Variants in CCSER2 observed in about 807,000 individuals in gnomAD.
The protein encoded by CCSER2 is serine-rich coiled-coil domain-containing protein 2.
A neutral mutation model predicts 92.3 loss-of-function variants in CCSER2; 46 were observed. That is an observed-to-expected ratio of 0.50 (90% CI 0.39 to 0.64). The LOEUF is 0.64. Ranked by LOEUF, CCSER2 falls within the 30% of genes least tolerant of loss-of-function variation. The pLI is 0.00. For synonymous variants in CCSER2, 433 were observed against 431.4 expected (o/e 1.00, Z -0.04); for missense variants, 1,244 against 1,238.9 (o/e 1.00, Z -0.06).
At position 84,371,794 on chromosome 10, in the gene CCSER2, G is replaced by C; in HGVS notation, c.742G>C (p.Val248Leu). The C allele has an allele frequency of 1.9e-6, 3 of 1,613,794 alleles. No individual in the cohort carries two copies. Among genetic ancestry groups the C allele is most frequent in the Non-Finnish European group, 2.5e-6 (3 of 1,179,798 alleles). ...ITRSHSFNRAVDLTKPYQNQQ... is the reference protein window; with the variant it reads ...ITRSHSFNRALDLTKPYQNQQ... ...CAGATCACATTCCTTTAATAGAGCT[G>C]TGGATCTTACAAAGCCTTATCAGAA... The change falls in exon 2 of 10, where the codon GTG becomes CTG. Residue 248 changes from valine to leucine, a missense_variant. By Grantham distance (32) the Val-to-Leu change is conservative. Transcript: ENST00000372088.
chr10:84,391,307 CTT>C (rs2133259774), intron 3 of CCSER2: 1 of 1,455,430 alleles, frequency 6.9e-7, no homozygotes, highest in African/African-American at 1.4e-5. Context: ...GTTAGTGTCT[CTT>C]GATTTACTGA....
At chr10:84,466,879 A>G (rs886454212) in intron 7 of CCSER2, among the ~76,000 whole-genome samples, 1 of 152,092 alleles carries the variant, frequency 6.6e-6, no homozygotes, top group Non-Finnish European at 1.5e-5. Flanking sequence ...TTACAGGGGA[A>G]AAGTGTCCAC....
At chr10:84,496,267 C>T (rs1366837415) in intron 9 of CCSER2, among the ~76,000 whole-genome samples, 1 of 152,078 alleles carries the variant, frequency 6.6e-6, no homozygotes, top group African/African-American at 2.4e-5. Flanking sequence ...GGGTGGAGGC[C>T]TACACTCCCC....
intron 1 of CCSER2, among the ~76,000 whole-genome samples, chr10:84,348,427 C>G (rs966998687): frequency 5.3e-5 from 8 of 152,026 alleles, no homozygotes; most frequent in East Asian, 3.9e-4. Flanking sequence ...GGCTCGGCAT[C>G]AGAGGGAGAC....
chr10:84,468,707 T>G (rs1846601296), intron 7 of CCSER2, among the ~76,000 whole-genome samples: 1 of 151,610 alleles, frequency 6.6e-6, no homozygotes, highest in Non-Finnish European at 1.5e-5. Flanking sequence ...CGTTGTCCTC[T>G]TACAGGACAA....
chr10:84,377,726 T>G (rs1452970787), intron 3 of CCSER2, among the ~76,000 whole-genome samples: 1 of 152,166 alleles, frequency 6.6e-6, no homozygotes, highest in Non-Finnish European at 1.5e-5. Context: ...TTGGAGAGAA[T>G]TGACATATTT....
chr10:84,478,047 T>C (rs1477600080), intron 9 of CCSER2, among the ~76,000 whole-genome samples: 1 of 152,210 alleles, frequency 6.6e-6, no homozygotes, highest in African/African-American at 2.4e-5. Flanking sequence ...AGCATATTCC[T>C]TTTTTGTTAA....
intron 9 of CCSER2, among the ~76,000 whole-genome samples, chr10:84,478,263 A>G (rs917011456): frequency 2.0e-4 from 31 of 152,298 alleles, no homozygotes; most frequent in African/African-American, 7.0e-4. Flanking sequence ...AAAATACTCT[A>G]TCATTTAATC....
chr10:84,455,988 T>G (rs1341680261), intron 6 of CCSER2: 4 of 581,346 alleles, frequency 6.9e-6, no homozygotes, highest in African/African-American at 1.9e-5. Context: ...ACGTACTCCT[T>G]TCCTAGTAGC....
At chr10:84,416,439 A>G (rs560180739) in intron 3 of CCSER2, among the ~76,000 whole-genome samples, 2 of 152,294 alleles carry the variant, frequency 1.3e-5, no homozygotes, top group Admixed American at 6.5e-5. Context: ...TTGCATGTCA[A>G]ACATTCTGCA....
Position 84,516,554 on chromosome 10 carries a change from GT to G in CCSER2, c.*2290del, listed in dbSNP as rs1849603830. 1 of 152,144 alleles carries G rather than the reference GT, an allele frequency of 6.6e-6. No homozygotes were observed. The highest frequency in any genetic ancestry group is 2.1e-4 in the South Asian group (1 of 4,830). 9.4% of individuals were successfully genotyped at this position (152,144 alleles called of 1,614,324 possible). On this transcript the variant is annotated 3_prime_UTR_variant, in exon 10 of 10. Transcript: ENST00000372088. ...TGGTTTTTGGTTTATTTAGAAGTTG[GT>G]TTAGACCCTTATGAAACATTATTTA...
chr10:84,517,705 G>C lies in CCSER2; in HGVS notation c.*3438G>C, dbSNP rs1849643052. On this transcript the variant is annotated 3_prime_UTR_variant, in exon 10 of 10. Coordinates refer to ENST00000372088, the MANE Select transcript of CCSER2 (RefSeq NM_001284240.2). Reference sequence around the variant, plus strand: ...TCCATTAAAGCACTAAGTTTTCTTTGAATGTTCCATTGTTCCGATAAGTAT... The same window carrying C: ...TCCATTAAAGCACTAAGTTTTCTTTCAATGTTCCATTGTTCCGATAAGTAT... 1 of 152,164 alleles carries C rather than the reference G, an allele frequency of 6.6e-6. No individual in the cohort carries two copies. Among genetic ancestry groups the C allele is most frequent in the South Asian group, 2.1e-4 (1 of 4,834 alleles). 9.4% of individuals were successfully genotyped at this position (152,164 alleles called of 1,614,324 possible). A position where few individuals can be genotyped will look rare whatever the true frequency, so the allele number is the denominator to read the frequency against.
chr10:84,472,401 T>C (rs1306743241), intron 8 of CCSER2, among the ~76,000 whole-genome samples: 1 of 152,190 alleles, frequency 6.6e-6, no homozygotes, highest in East Asian at 1.9e-4. Flanking sequence ...AAACCCTGTC[T>C]CTACTAAAAA....
At chr10:84,341,181 GC>G (rs1352466789) in intron 1 of CCSER2, among the ~76,000 whole-genome samples, 2 of 151,166 alleles carry the variant, frequency 1.3e-5, no homozygotes, top group Non-Finnish European at 2.9e-5. Flanking sequence ...ACAAGCGTGT[GC>G]CACCATGCCC....
intron 3 of CCSER2, among the ~76,000 whole-genome samples, chr10:84,408,168 AAAATT>A (rs1369343591): frequency 6.6e-6 from 1 of 152,196 alleles, no homozygotes; most frequent in Non-Finnish European, 1.5e-5. Context: ...AGTAAAAAAA[AAAATT>A]AAAAACATAA....
chr10:84,476,478 T>G (rs1473049108), intron 8 of CCSER2, among the ~76,000 whole-genome samples: 12 of 122,566 alleles, frequency 9.8e-5, no homozygotes, highest in African/African-American at 3.6e-4. Context: ...GGTGTCTCCC[T>G]CTGTCACCCA....
At chr10:84,414,168 T>C (rs900451976) in intron 3 of CCSER2, among the ~76,000 whole-genome samples, 8 of 152,254 alleles carry the variant, frequency 5.3e-5, no homozygotes, top group African/African-American at 1.9e-4. Flanking sequence ...TATTATTGTA[T>C]GTAAATTTGA....
chr10:84,382,694 T>A (rs1840978911), intron 3 of CCSER2, among the ~76,000 whole-genome samples: 1 of 152,208 alleles, frequency 6.6e-6, no homozygotes, highest in African/African-American at 2.4e-5. Flanking sequence ...AGTGCCTTTA[T>A]TTTTGGAATG....
intron 3 of CCSER2, among the ~76,000 whole-genome samples, chr10:84,396,738 T>C (rs1256774727): frequency 6.6e-6 from 1 of 152,210 alleles, no homozygotes; most frequent in East Asian, 1.9e-4. Context: ...GGTTTCACCA[T>C]GTTGCCAAGG....
Sources: gnomAD v4.1 joint callset for allele counts (sites outside exome capture counted in the v4.1 genomes callset) on GRCh38, gnomAD v4.1.1 for gene constraint, MANE v1.5 for transcripts, NCBI Gene and HGNC (gene_info 2026-07-23, HGNC 2026-07-21) for gene names.